The following ETV6 variants were observed in gnomAD, a reference collection of about 807,000 sequenced individuals.
ETV6 encodes the protein ETS variant transcription factor 6, also known as transcription factor ETV6.
A neutral mutation model predicts 51.1 loss-of-function variants in ETV6; 16 were observed. The ratio of observed to expected loss-of-function variants is 0.31; its 90% CI spans 0.21 to 0.48. The LOEUF (loss-of-function observed/expected upper bound fraction) is 0.48, where lower values mean the gene tolerates loss of function less well. ETV6 is among the 20% of genes least tolerant of loss of function. The probability of loss-of-function intolerance (pLI) is 0.99; values close to 1 mark genes in which losing one functional copy is unlikely to be tolerated. For synonymous variants in ETV6, 240 were observed against 224.1 expected (o/e 1.07, Z -0.64); for missense variants, 458 against 594.8 (o/e 0.77, Z 2.39).
chr12:11,820,559 GAGA>G (rs1946062529), intron 2 of ETV6, among the ~76,000 whole-genome samples: 2 of 152,166 alleles, frequency 1.3e-5, no homozygotes, highest in African/African-American at 4.8e-5. Flanking sequence ...GGATGTCTAG[GAGA>G]AGAATATCAG....
intron 1 of ETV6, among the ~76,000 whole-genome samples, chr12:11,676,845 T>C (rs745878063): frequency 1.3e-5 from 2 of 152,242 alleles, no homozygotes; most frequent in Non-Finnish European, 2.9e-5. Context: ...GAATTTGGTC[T>C]TTGATTTTTT....
At chr12:11,796,777 T>TTG (rs1555132557) in intron 2 of ETV6, among the ~76,000 whole-genome samples, 1 of 103,688 alleles carries the variant, frequency 9.6e-6, no homozygotes, top group Non-Finnish European at 2.2e-5. Flanking sequence ...TTTTTTTTTT[T>TTG]TTTGTGTGTG....
intron 2 of ETV6, among the ~76,000 whole-genome samples, chr12:11,833,689 G>T (rs1946275791): frequency 6.6e-6 from 1 of 152,190 alleles, no homozygotes; most frequent in Non-Finnish European, 1.5e-5. Flanking sequence ...TGTCTTACAG[G>T]ATTGCTGCAG....
intron 2 of ETV6, among the ~76,000 whole-genome samples, chr12:11,774,426 T>C (rs1332456984): frequency 6.6e-6 from 1 of 152,156 alleles, no homozygotes; most frequent in African/African-American, 2.4e-5. Flanking sequence ...TGGATGTAGG[T>C]GAAGAGACTA....
rs191208314 is a variant in ETV6, at chr12:11,871,479, C to T, written c.1009+1510C>T. Among the ~76,000 whole-genome samples, 35 of 151,950 alleles carry T rather than the reference C, an allele frequency of 2.3e-4. No individual in the cohort carries two copies. In the East Asian group the frequency reaches 4.7e-3, roughly 20 times the overall value. ...TGCTAGGATTACAGGCGTGAGCCACCGCGCCTGGCCGGTACTGTCCCTTTT... is the reference window on the plus strand; with the variant it reads ...TGCTAGGATTACAGGCGTGAGCCACTGCGCCTGGCCGGTACTGTCCCTTTT... On this transcript the variant is annotated intron_variant, in intron 5 of 7. Coordinates refer to ENST00000396373, the MANE Select transcript of ETV6 (RefSeq NM_001987.5).
chr12:11,758,049 A>G (rs1945032844), intron 2 of ETV6, among the ~76,000 whole-genome samples: 1 of 152,084 alleles, frequency 6.6e-6, no homozygotes, highest in Non-Finnish European at 1.5e-5. Context: ...TCCAGTACCC[A>G]ATTCCCCAGC....
In ETV6 at chr12:11,752,474, C is replaced by T; in HGVS notation, c.58C>T (p.Pro20Ser). ...GCAGGAACGAATTTCATATACACCT[C>T]CAGAGAGCCCAGTGCCGAGTTACGC... ...IKQERISYTP[P>S]ESPVPSYASS... Residue 20 changes from proline to serine, a missense_variant, in exon 2 of 8, where the codon CCA becomes TCA. By Grantham distance (74) the Pro-to-Ser change is moderately conservative. Around this residue, in one of 4 missense-constraint regions of ETV6, gnomAD observed 84 missense variants for 75.9 expected, o/e 1.11. Coordinates refer to ENST00000396373, the MANE Select transcript of ETV6 (RefSeq NM_001987.5). The T allele has an allele frequency of 1.2e-6, 2 of 1,613,832 alleles. No homozygotes were observed. Among genetic ancestry groups the T allele is most frequent in the South Asian group, 1.1e-5 (1 of 91,046 alleles).
intron 2 of ETV6, among the ~76,000 whole-genome samples, chr12:11,787,546 G>C (rs917721804): frequency 1.3e-5 from 2 of 152,118 alleles, no homozygotes; most frequent in Non-Finnish European, 2.9e-5. Flanking sequence ...TTTCTATTGG[G>C]AGTACTGCTC....
At chr12:11,751,540 G>A in intron 1 of ETV6, 1 of 492,848 alleles carries the variant, frequency 2.0e-6, no homozygotes, top group Non-Finnish European at 4.1e-6. Context: ...CCAACAGTCG[G>A]TTTCTTGCCA....
At position 11,869,516 on chromosome 12, in the gene ETV6, A is replaced by G. The variant is rs372716250; in HGVS notation, c.556A>G (p.Ile186Val). ...ACTGTTGCACCGCTCCAGGTCACCT[A>G]TCACGACAAATCACCGGCCTTCTCC... Reference protein sequence around the residue: ...IELLHRSRSPITTNHRPSPDP... With the variant: ...IELLHRSRSPVTTNHRPSPDP... The change falls in exon 5 of 8, where the codon ATC becomes GTC. Residue 186 changes from isoleucine (I) to valine (V), a missense_variant. Ile to Val is a conservative substitution (Grantham distance 29). This residue lies in a region of ETV6 where 293 missense variants were observed against 315.7 expected (regional missense o/e 0.93). Transcript: ENST00000396373. The surrounding 1 kb of genome is among the most constrained non-coding windows in gnomAD (Gnocchi z 5.0). 2.3e-5 allele frequency: 37 copies of G among 1,614,086 alleles called. No homozygotes were observed. Among genetic ancestry groups the G allele is most frequent in the South Asian group, 1.3e-4 (12 of 91,076 alleles).
intron 1 of ETV6, among the ~76,000 whole-genome samples, chr12:11,659,238 A>C (rs895450868): frequency 7.9e-5 from 12 of 151,208 alleles, no homozygotes; most frequent in African/African-American, 3.0e-4. Flanking sequence ...GTCTCTTTTC[A>C]GCAGTTGTAT....
At chr12:11,746,347 C>T (rs539546911) in intron 1 of ETV6, among the ~76,000 whole-genome samples, 279 of 152,326 alleles carry the variant, frequency 1.8e-3, no homozygotes, top group African/African-American at 6.5e-3. Context: ...ACTGGAACTG[C>T]GGTTTTCAAG....
chr12:11,780,861 G>T (rs1166555233), intron 2 of ETV6, among the ~76,000 whole-genome samples: 1 of 152,348 alleles, frequency 6.6e-6, no homozygotes, highest in African/African-American at 2.4e-5. Context: ...ATAGCAGTGT[G>T]TTTCATCTTG....
At chr12:11,750,909 A>T (rs1866013618) in intron 1 of ETV6, 1 of 471,986 alleles carries the variant, frequency 2.1e-6, no homozygotes, top group Admixed American at 2.6e-5. Context: ...CTAAAGTTCA[A>T]GAAAAGTGCA....
intron 3 of ETV6, among the ~76,000 whole-genome samples, chr12:11,852,091 C>T (rs1340911125): frequency 1.3e-5 from 2 of 152,180 alleles, no homozygotes; most frequent in Non-Finnish European, 2.9e-5. Flanking sequence ...GAGACAGTCA[C>T]AGGCCTGTGA....
At chr12:11,672,849 G>A (rs529319925) in intron 1 of ETV6, among the ~76,000 whole-genome samples, 10 of 152,302 alleles carry the variant, frequency 6.6e-5, no homozygotes, top group African/African-American at 1.9e-4. Context: ...GTAGGAAGGC[G>A]GTGAACAGGG....
At chr12:11,672,652 G>A (rs1864341990) in intron 1 of ETV6, among the ~76,000 whole-genome samples, 1 of 152,164 alleles carries the variant, frequency 6.6e-6, no homozygotes, top group African/African-American at 2.4e-5. Context: ...CAGCAACATA[G>A]CCTGTAAATC....
At chr12:11,712,303 C>G (rs185509720) in intron 1 of ETV6, among the ~76,000 whole-genome samples, 11 of 152,240 alleles carry the variant, frequency 7.2e-5, no homozygotes, top group Admixed American at 3.3e-4. Flanking sequence ...CATGTGTGGT[C>G]AGATTTTTAG....
At chr12:11,729,827 T>C (rs1478902952) in intron 1 of ETV6, among the ~76,000 whole-genome samples, 2 of 152,210 alleles carry the variant, frequency 1.3e-5, no homozygotes, top group Non-Finnish European at 2.9e-5. Flanking sequence ...GTCACCTCTT[T>C]TGTAGTGAAA....
Sources: gnomAD v4.1 joint callset for allele counts (sites outside exome capture counted in the v4.1 genomes callset) on GRCh38, gnomAD v4.1.1 for gene constraint, gnomAD v4.1.1 regional missense constraint, Gnocchi (gnomAD v3.1) non-coding constraint, MANE v1.5 for transcripts, NCBI Gene and HGNC (gene_info 2026-07-23, HGNC 2026-07-21) for gene names.